SGIP1: variants seen among roughly 807,000 people sequenced by gnomAD.
SGIP1 encodes the protein SH3GL interacting endocytic adaptor 1.
Under a neutral mutation model 107.5 loss-of-function variants are expected in SGIP1, and 38 were observed. That is an observed-to-expected ratio of 0.35 (90% confidence interval 0.27 to 0.46). SGIP1 has a LOEUF of 0.46. Ranked by LOEUF, SGIP1 falls within the 20% of genes least tolerant of loss-of-function variation. The pLI, the probability that SGIP1 is intolerant of heterozygous loss-of-function variation, is 1.00. For missense variants in SGIP1, 929 were observed against 1,019.5 expected (o/e 0.91, Z 1.21); for synonymous variants, 365 against 366.1 (o/e 1.00, Z 0.03).
intron 2 of SGIP1, among the ~76,000 whole-genome samples, chr1:66,630,807 GA>G (rs1303246878): frequency 9.6e-4 from 5 of 5,216 alleles, no homozygotes; most frequent in Admixed American, 3.8e-3. Context: ...ACTCCGGAAA[GA>G]AAGAAAGAAA....
chr1:66,671,899 A>T, intron 10 of SGIP1, 45 bp from the exon 11 acceptor site: 4 of 1,575,878 alleles, frequency 2.5e-6, no homozygotes, highest in Non-Finnish European at 3.5e-6. Context: ...CATATCAGGG[A>T]ATGGTAAAAA....
chr1:66,707,196 C>A (rs148377424), intron 18 of SGIP1, among the ~76,000 whole-genome samples: 1 of 152,002 alleles, frequency 6.6e-6, no homozygotes, highest in Non-Finnish European at 1.5e-5. Flanking sequence ...TTTTTGGGCA[C>A]GAAATAAACT....
At chr1:66,606,528 G>T (rs756684869) in intron 1 of SGIP1, among the ~76,000 whole-genome samples, 1 of 152,294 alleles carries the variant, frequency 6.6e-6, no homozygotes, top group South Asian at 2.1e-4. Flanking sequence ...AAATAAGAAG[G>T]TTCCATGAGG....
chr1:66,548,151 C>T (rs2056756518), intron 1 of SGIP1, among the ~76,000 whole-genome samples: 1 of 152,072 alleles, frequency 6.6e-6, no homozygotes, highest in Non-Finnish European at 1.5e-5. Flanking sequence ...CATGCTTTTG[C>T]TTGCATCTTT....
Position 66,734,897 on chromosome 1 carries a change from T to C in SGIP1, c.2031+1017T>C, listed in dbSNP as rs746179952. Among the ~76,000 whole-genome samples the C allele has an allele frequency of 1.2e-4, 19 of 152,332 alleles. No individual in the cohort carries two copies. The East Asian group carries it at 1.7e-3, about 14-fold the overall frequency. ...GGTACAACATGATATTTTGAATATA[T>C]GTACGTTATGGAATGACTAAACTAA... On this transcript the variant is annotated intron_variant, in intron 21 of 24. Transcript: ENST00000371037.
At chr1:66,610,377 T>C (rs1436020749) in intron 1 of SGIP1, among the ~76,000 whole-genome samples, 1 of 152,164 alleles carries the variant, frequency 6.6e-6, no homozygotes, top group African/African-American at 2.4e-5. Flanking sequence ...CAAACTGAAG[T>C]AAAGGGATGA....
chr1:66,621,406 T>C (rs2071063692), intron 1 of SGIP1, among the ~76,000 whole-genome samples: 1 of 152,226 alleles, frequency 6.6e-6, no homozygotes, highest in Non-Finnish European at 1.5e-5. Context: ...CAGAATAATC[T>C]GGCTTGAACT....
rs1414306276 is a variant in SGIP1 at position 66,589,206 on chromosome 1, A to ATGTGTGTGTGTGTGTGTG, written c.11-36640_11-36639insGTGTGTGTGTGTGTGTGT. 3.3e-4 allele frequency among the ~76,000 whole-genome samples: 21 copies of ATGTGTGTGTGTGTGTGTG among 63,320 alleles called. 1 individual carries two copies. The highest frequency in any genetic ancestry group is 9.2e-4 in the South Asian group (1 of 1,082). 41.5% of individuals were successfully genotyped at this position (63,320 alleles called of 152,430 possible). A position where few individuals can be genotyped will look rare whatever the true frequency, so the allele number is the denominator to read the frequency against. On this transcript the variant is annotated intron_variant, in intron 1 of 24. Transcript: ENST00000371037. ...TATATATATATATATATATATATAT[A>ATGTGTGTGTGTGTGTGTG]TATATATATATGTAAGGCTTGGGGT...
chr1:66,563,743 T>C (rs1275247542), intron 1 of SGIP1, among the ~76,000 whole-genome samples: 4 of 151,824 alleles, frequency 2.6e-5, no homozygotes, highest in Admixed American at 1.3e-4. Flanking sequence ...CAGTAAATAA[T>C]TTCCCAGTTC....
intron 13 of SGIP1, 37 bp downstream of exon 13, chr1:66,677,133 G>T (rs767557172): frequency 6.2e-5 from 96 of 1,543,864 alleles, no homozygotes; most frequent in Non-Finnish European, 7.6e-5. Context: ...AAAAATAAGT[G>T]ACTCATTTTA....
intron 19 of SGIP1, among the ~76,000 whole-genome samples, chr1:66,727,819 T>C (rs973270121): frequency 2.0e-5 from 3 of 152,094 alleles, no homozygotes; most frequent in African/African-American, 7.2e-5. Context: ...AAATTGCAAA[T>C]GAAGTTATAG....
intron 1 of SGIP1, 128 bp downstream of exon 1, chr1:66,534,496 T>C (rs2053095525): frequency 4.0e-6 from 4 of 1,011,930 alleles, no homozygotes; most frequent in East Asian, 2.4e-5. Context: ...CAAGCAGAAA[T>C]GCTGCAGTTT....
In SGIP1 at chr1:66,534,262, C is replaced by T; in HGVS notation, c.-97C>T. 6 of 1,323,210 alleles carry T rather than the reference C, an allele frequency of 4.5e-6. No homozygotes were observed. The highest frequency in any genetic ancestry group is 5.5e-6 in the Non-Finnish European group (5 of 916,102). The allele number at this position is 1,323,210 out of a possible 1,614,324, so 82.0% of individuals were successfully genotyped here. A position where few individuals can be genotyped will look rare whatever the true frequency, so the allele number is the denominator to read the frequency against. ...CTTTGACAGCGGACGGAATAGACCTCAGCAGCGGCGTGGTGAGGACTTAGC... is the reference window on the plus strand; with the variant it reads ...CTTTGACAGCGGACGGAATAGACCTTAGCAGCGGCGTGGTGAGGACTTAGC... On this transcript the variant is annotated 5_prime_UTR_variant, in exon 1 of 25. Coordinates refer to ENST00000371037, the MANE Select transcript of SGIP1 (RefSeq NM_032291.4).
At chr1:66,683,710 T>C (rs1039329314) in intron 15 of SGIP1, among the ~76,000 whole-genome samples, 2 of 123,516 alleles carry the variant, frequency 1.6e-5, no homozygotes, top group Non-Finnish European at 3.4e-5. Context: ...CTTTTTTTTT[T>C]TTTTTTTTTT....
chr1:66,727,350 A>T (rs928633775), intron 19 of SGIP1, among the ~76,000 whole-genome samples: 1 of 152,206 alleles, frequency 6.6e-6, no homozygotes, highest in Non-Finnish European at 1.5e-5. Context: ...CAACAAGAAG[A>T]TACCACTACT....
chr1:66,566,285 C>G (rs7525509), intron 1 of SGIP1, among the ~76,000 whole-genome samples: 3 of 151,668 alleles, frequency 2.0e-5, no homozygotes, highest in African/African-American at 7.3e-5. Context: ...CAAGAGTGAT[C>G]CCTAGGGGCC....
At chr1:66,628,592 A>G (rs1269783580) in intron 2 of SGIP1, 1 of 154,768 alleles carries the variant, frequency 6.5e-6, no homozygotes, top group Non-Finnish European at 1.5e-5. Context: ...CAATGTCTGT[A>G]ATTGACTGCA....
At chr1:66,610,190 A>G (rs1044862494) in intron 1 of SGIP1, among the ~76,000 whole-genome samples, 1 of 152,182 alleles carries the variant, frequency 6.6e-6, no homozygotes, top group Non-Finnish European at 1.5e-5. Context: ...AGATACAAAA[A>G]CCATACTCAG....
intron 24 of SGIP1, among the ~76,000 whole-genome samples, chr1:66,741,978 G>A (rs918726534): frequency 6.6e-6 from 1 of 152,084 alleles, no homozygotes; most frequent in African/African-American, 2.4e-5. Context: ...GTGTTAGCCA[G>A]GATGGTCTTG....
Sources: allele counts gnomAD v4.1 joint callset (sites outside exome capture counted in the v4.1 genomes callset), GRCh38; gene constraint gnomAD v4.1.1; transcripts MANE v1.5; gene names NCBI Gene and HGNC (gene_info 2026-07-23, HGNC 2026-07-21).